Variants in AGMO observed in about 807,000 individuals in gnomAD.
AGMO encodes alkylglycerol monooxygenase.
In AGMO, 75 loss-of-function variants were observed where a neutral mutation model predicts 60.2. The observed-to-expected ratio is 1.25, with a 90% CI of 1.03 to 1.51. AGMO has a LOEUF of 1.51. AGMO is among the 40% of genes most tolerant of loss of function. The probability of loss-of-function intolerance (pLI) is 0.00; values close to 1 mark genes in which losing one functional copy is unlikely to be tolerated. For synonymous variants in AGMO, 261 were observed against 177.1 expected, an observed-to-expected ratio of 1.47 and a Z score of -3.76; for missense variants, 763 against 525.5, an observed-to-expected ratio of 1.45 and a Z score of -4.42.
intron 12 of AGMO, among the ~76,000 whole-genome samples, chr7:15,260,950 A>C (rs941500278): frequency 2.6e-5 from 4 of 152,142 alleles, no homozygotes; most frequent in African/African-American, 9.7e-5. Flanking sequence ...TGGAAATAAA[A>C]AAATTATTTG....
chr7:15,122,846 C>T, the AGMO span, among the ~76,000 whole-genome samples: 2 of 152,180 alleles, frequency 1.3e-5, no homozygotes, highest in South Asian at 2.1e-4. Context: ...TTTCTATATT[C>T]TGCTTTAACA....
intron 12 of AGMO, among the ~76,000 whole-genome samples, chr7:15,307,931 C>G (rs1030332619): frequency 2.9e-4 from 44 of 151,990 alleles, no homozygotes; most frequent in African/African-American, 9.2e-4. Flanking sequence ...TTTTATGTCT[C>G]TCTCTTGTCA....
chr7:15,452,095 T>C (rs1220854183), intron 3 of AGMO, among the ~76,000 whole-genome samples: 1 of 152,166 alleles, frequency 6.6e-6, no homozygotes, highest in East Asian at 1.9e-4. Flanking sequence ...TCTCAGGCTA[T>C]ATTTAGATCA....
intron 3 of AGMO, among the ~76,000 whole-genome samples, chr7:15,490,215 T>C (rs1472969221): frequency 6.6e-6 from 1 of 152,240 alleles, no homozygotes; most frequent in Non-Finnish European, 1.5e-5. Context: ...ATATTTAGGA[T>C]ATTTCATAAA....
intron 3 of AGMO, among the ~76,000 whole-genome samples, chr7:15,541,913 G>A (rs1013326463): frequency 6.6e-6 from 1 of 152,066 alleles, no homozygotes. Context: ...AGTAGTGAAA[G>A]GAAAGTAATA....
At chr7:15,360,210 A>C (rs1260406165) in intron 12 of AGMO, among the ~76,000 whole-genome samples, 1 of 152,202 alleles carries the variant, frequency 6.6e-6, no homozygotes, top group Non-Finnish European at 1.5e-5. Flanking sequence ...GGTACTCAAA[A>C]ATCTGGTTGG....
At chr7:15,240,009 T>C (rs987409483) in intron 12 of AGMO, among the ~76,000 whole-genome samples, 4 of 152,172 alleles carry the variant, frequency 2.6e-5, no homozygotes, top group African/African-American at 4.8e-5. Context: ...TAACTCATTA[T>C]GAAACAACAA....
intron 12 of AGMO, among the ~76,000 whole-genome samples, chr7:15,299,330 T>C (rs1168250785): frequency 6.6e-6 from 1 of 152,192 alleles, no homozygotes; most frequent in Non-Finnish European, 1.5e-5. Flanking sequence ...GTGCTGTTTA[T>C]ACTTATGTAA....
At chr7:15,205,503 C>A (rs1781417134) in intron 12 of AGMO, among the ~76,000 whole-genome samples, 2 of 151,908 alleles carry the variant, frequency 1.3e-5, no homozygotes, top group South Asian at 4.1e-4. Context: ...ATATGGATTG[C>A]CAGCAGTGGT....
intron 12 of AGMO, among the ~76,000 whole-genome samples, chr7:15,319,717 A>G (rs1032450726): frequency 2.0e-5 from 3 of 152,144 alleles, no homozygotes; most frequent in African/African-American, 7.2e-5. Flanking sequence ...AGATTCCATT[A>G]GTAAGCAGCA....
At chr7:15,303,142 GC>G (rs1478557540) in intron 12 of AGMO, among the ~76,000 whole-genome samples, 1 of 152,018 alleles carries the variant, frequency 6.6e-6, no homozygotes, top group Admixed American at 6.6e-5. Context: ...AAAAAGTGCA[GC>G]CCACAGATGA....
chr7:15,454,263 A>C (rs1781937400), intron 3 of AGMO, among the ~76,000 whole-genome samples: 1 of 152,020 alleles, frequency 6.6e-6, no homozygotes, highest in African/African-American at 2.4e-5. Context: ...AGTTAACAAT[A>C]CTGTCTTGTA....
intron 10 of AGMO, among the ~76,000 whole-genome samples, chr7:15,373,210 G>C (rs925609832): frequency 6.6e-6 from 1 of 151,876 alleles, no homozygotes; most frequent in African/African-American, 2.4e-5. Context: ...ACTGGGAGGA[G>C]GTGGTTTCAG....
In AGMO at chr7:15,290,031, G is replaced by T. The variant is rs537365911; in HGVS notation, c.1263+75483C>A. Among the ~76,000 whole-genome samples, 595 of 65,658 alleles carry T rather than the reference G, an allele frequency of 9.1e-3. 5 individuals carry two copies. Among genetic ancestry groups the T allele is most frequent in the African/African-American group, 0.035 (559 of 15,906 alleles). The allele number at this position is 65,658 out of a possible 152,430, so 43.1% of individuals were successfully genotyped here. ...TGCAGTCTTTGGTCCACCTTAAGTT[G>T]ATTTTTTTTTTTTTTTTGAGACAGA... On this transcript the variant is annotated intron_variant, in intron 12 of 12. Coordinates refer to ENST00000342526, the MANE Select transcript of AGMO (RefSeq NM_001004320.2).
intron 12 of AGMO, among the ~76,000 whole-genome samples, chr7:15,280,167 G>A (rs565894783): frequency 6.6e-6 from 1 of 152,310 alleles, no homozygotes; most frequent in South Asian, 2.1e-4. Context: ...GAAAGCTGTG[G>A]TTGCTGTCTC....
intron 3 of AGMO, among the ~76,000 whole-genome samples, chr7:15,489,858 A>G (rs1347587748): frequency 6.6e-6 from 1 of 152,246 alleles, no homozygotes; most frequent in Non-Finnish European, 1.5e-5. Flanking sequence ...AAAATAATTT[A>G]TAATAACAAA....
At chr7:15,493,450 T>G (rs1783130059) in intron 3 of AGMO, among the ~76,000 whole-genome samples, 1 of 139,098 alleles carries the variant, frequency 7.2e-6, no homozygotes, top group Non-Finnish European at 1.5e-5. Context: ...CTCGGCTCAC[T>G]GCAAGCTCCG....
intron 3 of AGMO, among the ~76,000 whole-genome samples, chr7:15,479,662 A>T (rs979751706): frequency 2.0e-5 from 3 of 152,154 alleles, no homozygotes; most frequent in Non-Finnish European, 4.4e-5. Flanking sequence ...TCTTAAATAA[A>T]AATTGACCTG....
intron 10 of AGMO, among the ~76,000 whole-genome samples, chr7:15,383,125 A>G (rs972270496): frequency 5.3e-5 from 8 of 152,076 alleles, no homozygotes; most frequent in African/African-American, 1.9e-4. Flanking sequence ...TCAGTGATGT[A>G]CAGATAAACT....
Sources: gnomAD v4.1 joint callset for allele counts (sites outside exome capture counted in the v4.1 genomes callset) on GRCh38, gnomAD v4.1.1 for gene constraint, MANE v1.5 for transcripts, NCBI Gene and HGNC (gene_info 2026-07-23, HGNC 2026-07-21) for gene names.